Variants in UBE2E1 observed in about 807,000 individuals in gnomAD.
UBE2E1 encodes ubiquitin-conjugating enzyme E2 E1.
In UBE2E1, 6 loss-of-function variants were observed where a neutral mutation model predicts 21.4. The ratio of observed to expected loss-of-function variants is 0.28; its 90% CI spans 0.15 to 0.55. The LOEUF (loss-of-function observed/expected upper bound fraction) is 0.55. Among genes scored for constraint, UBE2E1 ranks in the 20% least tolerant of loss-of-function variants. The pLI, the probability that UBE2E1 is intolerant of heterozygous loss-of-function variation, is 0.93. For missense variants in UBE2E1, 142 were observed against 236.5 expected (o/e 0.60, Z 2.62); for synonymous variants, 87 against 82.7 (o/e 1.05, Z -0.28).
At chr3:23,885,364 A>G (rs957880399) in intron 3 of UBE2E1, among the ~76,000 whole-genome samples, 3 of 152,186 alleles carry the variant, frequency 2.0e-5, no homozygotes, top group African/African-American at 7.2e-5. Context: ...ATGATGACCA[A>G]GAACCGGTTC....
rs1311443408 is a variant in UBE2E1 at position 23,876,656 on chromosome 3, C to G, written c.204-10911C>G. ...TTTGTTTCTTGTTTTTGTTTTTTGT[C>G]TTAATAGAGCTAGGCATTACCAGGG... On this transcript the variant is annotated intron_variant, in intron 3 of 5. Transcript: ENST00000306627. The surrounding 1 kb of genome is among the most constrained non-coding windows in gnomAD (Gnocchi z 4.3). 6.6e-6 allele frequency among the ~76,000 whole-genome samples: 1 copy of G among 150,912 alleles called. No individual in the cohort carries two copies. Among genetic ancestry groups the G allele is most frequent in the Non-Finnish European group, 1.5e-5 (1 of 67,792 alleles).
intron 3 of UBE2E1, among the ~76,000 whole-genome samples, chr3:23,882,050 G>A (rs1275515232): frequency 6.6e-6 from 1 of 152,206 alleles, no homozygotes; most frequent in East Asian, 1.9e-4. Flanking sequence ...CAAAGGCAGT[G>A]CGGACCCAAA....
At chr3:23,831,022 C>A (rs1699855241) in intron 3 of UBE2E1, among the ~76,000 whole-genome samples, 1 of 152,222 alleles carries the variant, frequency 6.6e-6, no homozygotes, top group South Asian at 2.1e-4. Context: ...CCCACGTGAT[C>A]TGGCTTCAGG....
intron 3 of UBE2E1, among the ~76,000 whole-genome samples, chr3:23,878,650 C>T (rs2360020): frequency 0.013 from 1,989 of 152,308 alleles, 33 homozygotes; most frequent in South Asian, 0.054. Flanking sequence ...CATAGGCACA[C>T]GCAAACCCTA....
At chr3:23,807,550 G>T in intron 2 of UBE2E1, 129 bp downstream of exon 2, 2 of 1,212,500 alleles carry the variant, frequency 1.6e-6, no homozygotes, top group East Asian at 2.6e-5. Context: ...AATGAAAGAA[G>T]GGCCTTGGAA....
intron 3 of UBE2E1, among the ~76,000 whole-genome samples, chr3:23,877,439 C>T (rs1289026154): frequency 6.6e-6 from 1 of 152,094 alleles, no homozygotes; most frequent in Non-Finnish European, 1.5e-5. Flanking sequence ...GCACTGTTGA[C>T]ATTGTAGGCT....
intron 3 of UBE2E1, among the ~76,000 whole-genome samples, chr3:23,873,614 C>T (rs1175687848): frequency 5.3e-5 from 8 of 152,136 alleles, no homozygotes; most frequent in African/African-American, 1.7e-4. Context: ...GGCATGGTGG[C>T]GTGTGCCTGT....
At chr3:23,864,847 T>C (rs1290312242) in intron 3 of UBE2E1, among the ~76,000 whole-genome samples, 1 of 152,228 alleles carries the variant, frequency 6.6e-6, no homozygotes, top group Non-Finnish European at 1.5e-5. Flanking sequence ...CGGCCTGTGT[T>C]CTGGGAGCTG....
chr3:23,807,359 G>A lies in UBE2E1; in HGVS notation c.90G>A (p.Lys30=). 6.2e-7 allele frequency: 1 copy of A among 1,613,728 alleles called. No homozygotes were observed. ...QQTEKETNTP[K]KKESKVSMSK... The stretch of plus-strand genomic sequence containing the variant: ...CCGAGAAAGAAACAAACACCCCCAA[G>A]AAGAAGGAGAGTAAAGTCAGCATGA... Residue 30 remains lysine (K), a synonymous_variant, in exon 2 of 6, where the codon AAG becomes AAA. Transcript: ENST00000306627.
intron 3 of UBE2E1, among the ~76,000 whole-genome samples, chr3:23,882,021 C>T (rs1188202442): frequency 3.3e-5 from 5 of 152,166 alleles, no homozygotes; most frequent in African/African-American, 7.2e-5. Context: ...CAGACCTTCG[C>T]GGTGAGTGTT....
At chr3:23,882,440 C>G (rs1701068693) in intron 3 of UBE2E1, among the ~76,000 whole-genome samples, 1 of 152,264 alleles carries the variant, frequency 6.6e-6, no homozygotes. Flanking sequence ...TCCAAGTCCC[C>G]ACTTAACTCA....
Position 23,887,521 on chromosome 3 carries a change from T to G in UBE2E1, c.204-46T>G. 6.4e-7 allele frequency: 1 copy of G among 1,574,366 alleles called. No individual in the cohort carries two copies. Among genetic ancestry groups the G allele is most frequent in the Non-Finnish European group, 8.6e-7 (1 of 1,165,264 alleles). ...ATCTCTTTTAATACACTGTAAAAATTGGGATAGTGCCACCATCTGCTTATT... is the reference window on the plus strand; with the variant it reads ...ATCTCTTTTAATACACTGTAAAAATGGGGATAGTGCCACCATCTGCTTATT... On this transcript the variant is annotated intron_variant, in intron 3 of 5. Transcript: ENST00000306627. The surrounding 1 kb of genome is among the most constrained non-coding windows in gnomAD (Gnocchi z 4.4).
intron 3 of UBE2E1, among the ~76,000 whole-genome samples, chr3:23,878,299 T>G (rs1700961388): frequency 6.6e-6 from 1 of 152,200 alleles, no homozygotes; most frequent in Non-Finnish European, 1.5e-5. Context: ...ACACACTGCA[T>G]TTGTCAAAAT....
chr3:23,882,272 T>C (rs555628701), intron 3 of UBE2E1, among the ~76,000 whole-genome samples: 6 of 152,170 alleles, frequency 3.9e-5, no homozygotes, highest in African/African-American at 1.4e-4. Context: ...AGGGTGCTGA[T>C]TGGTGCGTTT....
rs1159257127 is a variant in UBE2E1, at chr3:23,842,030, A to G, written c.203+30520A>G. On this transcript the variant is annotated intron_variant, in intron 3 of 5. Transcript: ENST00000306627. This position sits in a 1 kb window ranked among gnomAD's most constrained non-coding sequence, Gnocchi z 4.6. The stretch of plus-strand genomic sequence containing the variant: ...ATTTAGTACTTTGATTATCCTAGTG[A>G]TTGTTACACTGAATCAGAAAATGCA... Among the ~76,000 whole-genome samples, 1 of 152,170 alleles carries G rather than the reference A, an allele frequency of 6.6e-6. No individual in the cohort carries two copies. Among genetic ancestry groups the G allele is most frequent in the Non-Finnish European group, 1.5e-5 (1 of 68,034 alleles).
chr3:23,846,009 A>T (rs1186139765), intron 3 of UBE2E1, among the ~76,000 whole-genome samples: 1 of 152,198 alleles, frequency 6.6e-6, no homozygotes, highest in Non-Finnish European at 1.5e-5. Context: ...CATGTGAGTC[A>T]TAGTTTGCCA....
At chr3:23,822,267 G>A (rs974779068) in intron 3 of UBE2E1, among the ~76,000 whole-genome samples, 4 of 152,164 alleles carry the variant, frequency 2.6e-5, no homozygotes, top group African/African-American at 9.7e-5. Context: ...AATGGAAAAG[G>A]AGGAATGATT....
At chr3:23,846,105 A>G (rs6550802) in intron 3 of UBE2E1, among the ~76,000 whole-genome samples, 119,329 of 151,648 alleles carry the variant, frequency 0.79, 47,651 homozygotes, top group African/African-American at 0.9. Context: ...ATTATTTGGG[A>G]AAAGTTCTTA....
At chr3:23,852,011 A>G (rs987316181) in intron 3 of UBE2E1, among the ~76,000 whole-genome samples, 1 of 152,046 alleles carries the variant, frequency 6.6e-6, no homozygotes, top group African/African-American at 2.4e-5. Context: ...TGTTTAAACA[A>G]TGTCTGGGAC....
Sources: gnomAD v4.1 joint callset for allele counts (sites outside exome capture counted in the v4.1 genomes callset) on GRCh38, gnomAD v4.1.1 for gene constraint, Gnocchi (gnomAD v3.1) non-coding constraint, MANE v1.5 for transcripts, NCBI Gene and HGNC (gene_info 2026-07-23, HGNC 2026-07-21) for gene names.